OR2M4: variants seen among roughly 807,000 people sequenced by gnomAD.
OR2M4 encodes olfactory receptor family 2 subfamily M member 4.
A neutral mutation model predicts 13.7 loss-of-function variants in OR2M4; 8 were observed. That is an observed-to-expected ratio of 0.58 (90% CI 0.34 to 1.05). OR2M4 has a LOEUF of 1.05. Among genes scored for constraint, OR2M4 ranks in the 50% least tolerant of loss-of-function variants. OR2M4 has a pLI of 0.02. For synonymous variants in OR2M4, 152 were observed against 141.3 expected, an observed-to-expected ratio of 1.08 and a Z score of -0.53; for missense variants, 374 against 381.6, an observed-to-expected ratio of 0.98 and a Z score of 0.17.
rs895837339 is a variant in OR2M4 at position 248,243,701 on chromosome 1, T to C, written c.*3837T>C. ...ACATTTGCAACAAAAATTGACAAGC[T>C]AGACCTAATTAAAGAGCTTCTTCAC... On this transcript the variant is annotated 3_prime_UTR_variant, in exon 2 of 2. Transcript: ENST00000641868. 3.3e-5 allele frequency: 5 copies of C among 152,166 alleles called. No homozygotes were observed. The highest frequency in any genetic ancestry group is 1.2e-4 in the African/African-American group (5 of 41,426). 9.4% of individuals were successfully genotyped at this position (152,166 alleles called of 1,614,324 possible). A position where few individuals can be genotyped will look rare whatever the true frequency, so the allele number is the denominator to read the frequency against.
rs944710944 is a variant in OR2M4, at chr1:248,241,496, T to A, written c.*1632T>A. On this transcript the variant is annotated 3_prime_UTR_variant, in exon 2 of 2. Transcript: ENST00000641868. ...TAATTATTATTTAGATTGACATGCT[T>A]ATTTTTAAGTATAGTATAATCAAAT... 5 of 152,202 alleles carry A rather than the reference T, an allele frequency of 3.3e-5. No homozygotes were observed. Among genetic ancestry groups the A allele is most frequent in the African/African-American group, 1.2e-4 (5 of 41,436 alleles). The allele number at this position is 152,202 out of a possible 1,614,324, so 9.4% of individuals were successfully genotyped here.
intron 1 of OR2M4, 135 bp from the exon 2 acceptor site, chr1:248,238,775 A>G: frequency 1.7e-6 from 1 of 595,200 alleles, no homozygotes; most frequent in Non-Finnish European, 3.0e-6. Context: ...ACAATTTACC[A>G]TGACTAAAGG....
rs1223611656 is a variant in OR2M4 at position 248,239,675 on chromosome 1, A to C, written c.747A>C (p.Gly249=). ...GCTCCTCCCACCTGTCTGTGGTCGGACTCTACTACGGTGCTGCTATGTTCA... is the reference window on the plus strand; with the variant it reads ...GCTCCTCCCACCTGTCTGTGGTCGGCCTCTACTACGGTGCTGCTATGTTCA... The part of the protein sequence containing the change: ...TTCSSHLSVV[G]LYYGAAMFMY... Residue 249 remains glycine (G), a synonymous_variant, in exon 2 of 2, where the codon GGA becomes GGC. Coordinates refer to ENST00000641868, the MANE Select transcript of OR2M4 (RefSeq NM_017504.2). 1 of 1,613,792 alleles carries C rather than the reference A, an allele frequency of 6.2e-7. No homozygotes were observed. The highest frequency in any genetic ancestry group is 1.7e-5 in the Admixed American group (1 of 59,988).
chr1:248,234,139 T>C (rs1254213150), intron 1 of OR2M4, among the ~76,000 whole-genome samples: 1 of 152,188 alleles, frequency 6.6e-6, no homozygotes, highest in Non-Finnish European at 1.5e-5. Flanking sequence ...TCTTTGATAT[T>C]TGCTTAATTA....
Position 248,239,472 on chromosome 1 carries a change from G to C in OR2M4, c.544G>C (p.Ala182Pro), listed in dbSNP as rs766804193. ...AATTCATCACTTTTTCTGTGATGTTGCTGCCCTTTTACCTCTATCCTGCAC... is the reference window on the plus strand; with the variant it reads ...AATTCATCACTTTTTCTGTGATGTTCCTGCCCTTTTACCTCTATCCTGCAC... ...LEIHHFFCDVAALLPLSCTET... is the reference protein window; with the variant it reads ...LEIHHFFCDVPALLPLSCTET... Residue 182 changes from alanine (A) to proline (P), a missense_variant, in exon 2 of 2, where the codon GCT (alanine) becomes CCT (proline). By Grantham distance (27) the Ala-to-Pro change is conservative. Coordinates refer to ENST00000641868, the MANE Select transcript of OR2M4 (RefSeq NM_017504.2). 8 of 1,613,914 alleles carry C rather than the reference G, an allele frequency of 5.0e-6. No individual in the cohort carries two copies. Among genetic ancestry groups the C allele is most frequent in the Non-Finnish European group, 6.8e-6 (8 of 1,179,992 alleles).
At chr1:248,235,469 G>A (rs1037834341) in intron 1 of OR2M4, among the ~76,000 whole-genome samples, 2 of 152,080 alleles carry the variant, frequency 1.3e-5, no homozygotes, top group African/African-American at 4.8e-5. Context: ...TTTTGCTTAG[G>A]ATTGACTTGG....
chr1:248,237,434 A>AC (rs914976106), intron 1 of OR2M4, among the ~76,000 whole-genome samples: 5 of 152,044 alleles, frequency 3.3e-5, no homozygotes, highest in Non-Finnish European at 5.9e-5. Context: ...TGGGTGGATC[A>AC]CCTGAGGTCA....
Position 248,239,906 on chromosome 1 carries a change from C to G in OR2M4, c.*42C>G, listed in dbSNP as rs200054539. ...TTGAGTGCCTACTGTGGTCAACACT[C>G]ATTCAAAAAAACTGGAATCTCTTAA... On this transcript the variant is annotated 3_prime_UTR_variant, in exon 2 of 2. Transcript: ENST00000641868. 4 of 1,239,814 alleles carry G rather than the reference C, an allele frequency of 3.2e-6. No homozygotes were observed. The African/African-American group carries it at 6.1e-5, about 19-fold the overall frequency. 76.8% of individuals were successfully genotyped at this position (1,239,814 alleles called of 1,614,324 possible).
intron 1 of OR2M4, among the ~76,000 whole-genome samples, chr1:248,234,276 A>T (rs1302459698): frequency 2.0e-5 from 3 of 148,702 alleles, no homozygotes; most frequent in Admixed American, 2.0e-4. Flanking sequence ...GGCTGAGTCA[A>T]ATATTTTTTT....
chr1:248,235,436 T>C (rs1230905196), intron 1 of OR2M4, among the ~76,000 whole-genome samples: 1 of 152,146 alleles, frequency 6.6e-6, no homozygotes, highest in Non-Finnish European at 1.5e-5. Flanking sequence ...CGTCGAGTAG[T>C]GTGATGCCTC....
chr1:248,235,145 A>G (rs1666545259), intron 1 of OR2M4, among the ~76,000 whole-genome samples: 2 of 152,056 alleles, frequency 1.3e-5, no homozygotes, highest in Admixed American at 1.3e-4. Flanking sequence ...GGAATTTTAC[A>G]TTTAAGTCTT....
rs1192709932 is a variant in OR2M4, at chr1:248,239,629, G to A, written c.701G>A (p.Arg234His). The change falls in exon 2 of 2, where the codon CGT (arginine) becomes CAT (histidine). Residue 234 changes from arginine to histidine, a missense_variant. Physicochemically the swap from Arg to His is conservative, Grantham distance 29. Coordinates refer to ENST00000641868, the MANE Select transcript of OR2M4 (RefSeq NM_017504.2). ...ATCCACATGGGCTCTGGGGAAAGTC[G>A]TCGCAAGGCCTTCACTACCTGCTCC... ...AVIHMGSGES[R>H]RKAFTTCSSH... The A allele has an allele frequency of 9.3e-6, 15 of 1,613,856 alleles. No individual in the cohort carries two copies. The highest frequency in any genetic ancestry group is 6.7e-5 in the East Asian group (3 of 44,882).
At position 248,241,680 on chromosome 1, in the gene OR2M4, G is replaced by A. The variant is rs973151809; in HGVS notation, c.*1816G>A. On this transcript the variant is annotated 3_prime_UTR_variant, in exon 2 of 2. Transcript: ENST00000641868. Reference sequence around the variant, plus strand: ...GAGGCGGGCAGATTATCTGAGGTTGGGAGTTCAAGGCCAGCCTGACCAACA... The same window carrying A: ...GAGGCGGGCAGATTATCTGAGGTTGAGAGTTCAAGGCCAGCCTGACCAACA... The A allele has an allele frequency of 6.6e-6, 1 of 152,190 alleles. No homozygotes were observed. The highest frequency in any genetic ancestry group is 1.9e-4 in the East Asian group (1 of 5,172). 9.4% of individuals were successfully genotyped at this position (152,190 alleles called of 1,614,324 possible). A position where few individuals can be genotyped will look rare whatever the true frequency, so the allele number is the denominator to read the frequency against.
In OR2M4 at chr1:248,239,868, T is replaced by C. The variant is rs373289503; in HGVS notation, c.*4T>C. ...GAAGAAAAGAAAGTTAATATGACCT[T>C]ATCAAAATCTTTTTGAGTGCCTACT... On this transcript the variant is annotated 3_prime_UTR_variant, in exon 2 of 2. Transcript: ENST00000641868. 1.9e-6 allele frequency: 3 copies of C among 1,557,854 alleles called. No homozygotes were observed. Among genetic ancestry groups the C allele is most frequent in the Non-Finnish European group, 1.7e-6 (2 of 1,153,146 alleles).
rs906949196 is a variant in OR2M4, at chr1:248,242,829, C to T, written c.*2965C>T. 5.3e-5 allele frequency: 8 copies of T among 152,054 alleles called. No homozygotes were observed. Among genetic ancestry groups the T allele is most frequent in the African/African-American group, 1.7e-4 (7 of 41,386 alleles). The allele number at this position is 152,054 out of a possible 1,614,324, so 9.4% of individuals were successfully genotyped here. On this transcript the variant is annotated 3_prime_UTR_variant, in exon 2 of 2. Coordinates refer to ENST00000641868, the MANE Select transcript of OR2M4 (RefSeq NM_017504.2). Reference sequence around the variant, plus strand: ...TAATGATTTTGTACATTTGATTTTACACATAATATGCAGAAAAAAGTAATT... The same window carrying T: ...TAATGATTTTGTACATTTGATTTTATACATAATATGCAGAAAAAAGTAATT...
intron 1 of OR2M4, among the ~76,000 whole-genome samples, chr1:248,232,367 T>A (rs1433847170): frequency 6.6e-6 from 1 of 152,172 alleles, no homozygotes; most frequent in Non-Finnish European, 1.5e-5. Context: ...TGAGCTTCTT[T>A]CCAAAGACTT....
intron 1 of OR2M4, among the ~76,000 whole-genome samples, chr1:248,238,159 A>T (rs187622536): frequency 6.8e-4 from 103 of 152,336 alleles, no homozygotes; most frequent in African/African-American, 2.4e-3. Flanking sequence ...ACTTAATAAA[A>T]TTAAAAATAG....
rs1029087022 is a variant in OR2M4, at chr1:248,242,529, A to G, written c.*2665A>G. The G allele has an allele frequency of 6.6e-6, 1 of 152,254 alleles. No homozygotes were observed. The highest frequency in any genetic ancestry group is 2.4e-5 in the African/African-American group (1 of 41,446). 9.4% of individuals were successfully genotyped at this position (152,254 alleles called of 1,614,324 possible). A position where few individuals can be genotyped will look rare whatever the true frequency, so the allele number is the denominator to read the frequency against. ...CGCCTTGGCCTCCCAAAGTGCCTGG[A>G]TTACATGCGTCAGCCACAGCACCCA... On this transcript the variant is annotated 3_prime_UTR_variant, in exon 2 of 2. Coordinates refer to ENST00000641868, the MANE Select transcript of OR2M4 (RefSeq NM_017504.2).
At chr1:248,237,945 G>A (rs1269142615) in intron 1 of OR2M4, among the ~76,000 whole-genome samples, 1 of 152,100 alleles carries the variant, frequency 6.6e-6, no homozygotes, top group Non-Finnish European at 1.5e-5. Flanking sequence ...ATGTTTATCC[G>A]ATTTGATTTA....
Sources: gnomAD v4.1 joint callset for allele counts (sites outside exome capture counted in the v4.1 genomes callset) on GRCh38, gnomAD v4.1.1 for gene constraint, MANE v1.5 for transcripts, NCBI Gene and HGNC (gene_info 2026-07-23, HGNC 2026-07-21) for gene names.